Variants in MAML3 observed in about 807,000 individuals in gnomAD.
MAML3 encodes mastermind-like protein 3.
A neutral mutation model predicts 101.9 loss-of-function variants in MAML3; 27 were observed. The observed-to-expected ratio is 0.27, with a 90% CI of 0.20 to 0.37. The LOEUF is 0.37. Ranked by LOEUF, MAML3 falls within the 10% of genes least tolerant of loss-of-function variation. The pLI is 1.00. For synonymous variants in MAML3, 501 were observed against 555.9 expected (o/e 0.90, Z 1.39); for missense variants, 1,316 against 1,444.9 (o/e 0.91, Z 1.45).
At chr4:140,148,427 GA>G (rs1246890947) in intron 1 of MAML3, among the ~76,000 whole-genome samples, 2 of 152,000 alleles carry the variant, frequency 1.3e-5, no homozygotes, top group African/African-American at 2.4e-5. Flanking sequence ...AGAATTAAAA[GA>G]AAAAAATACA....
chr4:140,027,024 A>C (rs925315204), intron 1 of MAML3, among the ~76,000 whole-genome samples: 5 of 152,124 alleles, frequency 3.3e-5, no homozygotes, highest in African/African-American at 1.2e-4. Flanking sequence ...AGTACCTAGT[A>C]GTTTACCTTA....
intron 1 of MAML3, among the ~76,000 whole-genome samples, chr4:140,051,297 G>A (rs1183192338): frequency 1.3e-5 from 2 of 152,190 alleles, no homozygotes; most frequent in Non-Finnish European, 2.9e-5. Flanking sequence ...GCTCATGCCT[G>A]TAATCCCAGC....
chr4:139,829,971 C>T (rs189005807), intron 2 of MAML3, among the ~76,000 whole-genome samples: 166 of 152,264 alleles, frequency 1.1e-3, no homozygotes, highest in African/African-American at 3.8e-3. Flanking sequence ...AAGGAAGTGG[C>T]CATGTCTGAG....
intron 1 of MAML3, among the ~76,000 whole-genome samples, chr4:140,098,344 G>C (rs940217271): frequency 6.6e-6 from 1 of 152,176 alleles, no homozygotes; most frequent in Admixed American, 6.5e-5. Flanking sequence ...TGGGGAACTA[G>C]GTTTCATCAT....
chr4:139,908,307 G>T (rs1471405793), intron 1 of MAML3, among the ~76,000 whole-genome samples: 1 of 152,112 alleles, frequency 6.6e-6, no homozygotes, highest in South Asian at 2.1e-4. Flanking sequence ...TAGTAAGTTT[G>T]TCTATCACTA....
intron 1 of MAML3, among the ~76,000 whole-genome samples, chr4:139,965,310 T>A (rs1362987846): frequency 6.6e-6 from 1 of 152,110 alleles, no homozygotes; most frequent in African/African-American, 2.4e-5. Flanking sequence ...TGGAATTCTG[T>A]ATGAACTTGA....
At chr4:139,822,193 CATCATCAGG>C (rs1380825814) in intron 2 of MAML3, among the ~76,000 whole-genome samples, 2 of 151,994 alleles carry the variant, frequency 1.3e-5, no homozygotes, top group African/African-American at 4.8e-5. Context: ...TCACCATTAT[CATCATCAGG>C]ATCATCATTA....
At chr4:139,749,129 T>C (rs1281303658) in intron 2 of MAML3, among the ~76,000 whole-genome samples, 2 of 152,176 alleles carry the variant, frequency 1.3e-5, no homozygotes, top group Non-Finnish European at 2.9e-5. Flanking sequence ...TTTCTTCAAA[T>C]TGAGAAAAGG....
At chr4:140,109,516 A>C (rs985226432) in intron 1 of MAML3, among the ~76,000 whole-genome samples, 1 of 152,210 alleles carries the variant, frequency 6.6e-6, no homozygotes, top group African/African-American at 2.4e-5. Context: ...AGGGGGAAGC[A>C]GAAAGGCATC....
At chr4:139,754,458 C>T (rs145269569) in intron 2 of MAML3, among the ~76,000 whole-genome samples, 1 of 152,324 alleles carries the variant, frequency 6.6e-6, no homozygotes, top group African/African-American at 2.4e-5. Context: ...CATGTTACTC[C>T]ATTGTATAAA....
At chr4:139,959,344 C>G (rs1244301231) in intron 1 of MAML3, among the ~76,000 whole-genome samples, 1 of 152,162 alleles carries the variant, frequency 6.6e-6, no homozygotes, top group African/African-American at 2.4e-5. Flanking sequence ...ATTCTGCATC[C>G]ATGGAATTCA....
intron 2 of MAML3, among the ~76,000 whole-genome samples, chr4:139,852,679 T>C (rs1731581350): frequency 6.6e-6 from 1 of 152,116 alleles, no homozygotes; most frequent in Non-Finnish European, 1.5e-5. Flanking sequence ...CCTCCCAAAG[T>C]GCTGGGATTA....
intron 1 of MAML3, among the ~76,000 whole-genome samples, chr4:140,070,362 A>G (rs1329401616): frequency 6.6e-6 from 1 of 152,230 alleles, no homozygotes; most frequent in Non-Finnish European, 1.5e-5. Context: ...CCTACAGACA[A>G]TCTCATTTTA....
At chr4:140,146,995 T>A (rs1729075055) in intron 1 of MAML3, among the ~76,000 whole-genome samples, 1 of 151,808 alleles carries the variant, frequency 6.6e-6, no homozygotes. Context: ...TAGCCAGGCG[T>A]GGTGGTACAT....
intron 1 of MAML3, among the ~76,000 whole-genome samples, chr4:139,937,390 G>A (rs1241845091): frequency 1.3e-5 from 2 of 151,488 alleles, no homozygotes. Context: ...TCTAGCAAAG[G>A]AGTTTTTTTT....
chr4:140,067,679 A>C (rs1727563803), intron 1 of MAML3, among the ~76,000 whole-genome samples: 1 of 152,038 alleles, frequency 6.6e-6, no homozygotes, highest in Non-Finnish European at 1.5e-5. Context: ...AAGCTTTCAA[A>C]CATTTAAAAT....
intron 2 of MAML3, among the ~76,000 whole-genome samples, chr4:139,751,751 GACA>G (rs1729510002): frequency 6.6e-6 from 1 of 152,178 alleles, no homozygotes; most frequent in African/African-American, 2.4e-5. Flanking sequence ...GAGGAAAGAG[GACA>G]CTGGAATACA....
At chr4:139,943,748 G>A (rs1456260925) in intron 1 of MAML3, among the ~76,000 whole-genome samples, 1 of 151,766 alleles carries the variant, frequency 6.6e-6, no homozygotes, top group Non-Finnish European at 1.5e-5. Flanking sequence ...TCTTGCAGTA[G>A]CAGATTTTGT....
In MAML3 at chr4:139,731,348, C is replaced by T. The variant is rs540416856; in HGVS notation, c.2080-681G>A. The T allele has an allele frequency of 6.1e-5, 9 of 148,402 alleles. No individual in the cohort carries two copies. In the East Asian group the frequency reaches 1.8e-3, roughly 30 times the overall value. 9.2% of individuals were successfully genotyped at this position (148,402 alleles called of 1,614,324 possible). A position where few individuals can be genotyped will look rare whatever the true frequency, so the allele number is the denominator to read the frequency against. On this transcript the variant is annotated intron_variant, in intron 2 of 4. Transcript: ENST00000509479. ...GCGCGGTGTCTCACGCCTGTAATCC[C>T]AGTACTTTGGGAGGCCCAGTACTTT... is the stretch of plus-strand genomic sequence containing the variant.
Sources: gnomAD v4.1 joint callset for allele counts (sites outside exome capture counted in the v4.1 genomes callset) on GRCh38, gnomAD v4.1.1 for gene constraint, MANE v1.5 for transcripts, NCBI Gene and HGNC (gene_info 2026-07-23, HGNC 2026-07-21) for gene names.